The following ARHGEF38 variants were observed in gnomAD, a reference collection of about 807,000 sequenced individuals.
The protein encoded by ARHGEF38 is Rho guanine nucleotide exchange factor 38, also known as Rho guanine nucleotide exchange factor (GEF) 38.
Under a neutral mutation model 79.9 loss-of-function variants are expected in ARHGEF38, and 79 were observed. The ratio of observed to expected loss-of-function variants is 0.99; its 90% confidence interval spans 0.82 to 1.19. The LOEUF is 1.19. Ranked by LOEUF, ARHGEF38 falls within the 50% of genes most tolerant of loss-of-function variation. ARHGEF38 has a pLI of 0.00. For missense variants in ARHGEF38, 962 were observed against 907.2 expected (o/e 1.06, Z -0.78); for synonymous variants, 366 against 328.3 (o/e 1.11, Z -1.24).
At chr4:105,641,869 G>A (rs1729631986) in intron 5 of ARHGEF38, among the ~76,000 whole-genome samples, 1 of 152,030 alleles carries the variant, frequency 6.6e-6, no homozygotes, top group Admixed American at 6.6e-5. Context: ...ACTTGACTTT[G>A]TAAAGACCCA....
At chr4:105,601,563 T>C (rs1050277539) in intron 2 of ARHGEF38, among the ~76,000 whole-genome samples, 1 of 152,054 alleles carries the variant, frequency 6.6e-6, no homozygotes, top group Non-Finnish European at 1.5e-5. Context: ...CACTGGGAGC[T>C]TGGGGAGGCT....
intron 13 of ARHGEF38, among the ~76,000 whole-genome samples, chr4:105,668,345 C>T (rs1184423711): frequency 3.9e-5 from 6 of 152,002 alleles, no homozygotes; most frequent in Non-Finnish European, 8.8e-5. Context: ...CCACGCCTGG[C>T]TAATTTTTGT....
chr4:105,595,867 T>C (rs1727556171), intron 2 of ARHGEF38, among the ~76,000 whole-genome samples: 1 of 152,180 alleles, frequency 6.6e-6, no homozygotes, highest in African/African-American at 2.4e-5. Context: ...AAAAATATTC[T>C]TGATCCACAG....
At chr4:105,676,854 AC>A (rs1268906119) in intron 13 of ARHGEF38, among the ~76,000 whole-genome samples, 1 of 152,134 alleles carries the variant, frequency 6.6e-6, no homozygotes, top group Non-Finnish European at 1.5e-5. Flanking sequence ...ATAATATTAG[AC>A]TTATATCGTA....
rs538420884 is a variant in ARHGEF38, at chr4:105,557,168, T to C, written c.196+4207T>C. Among the ~76,000 whole-genome samples the C allele has an allele frequency of 1.4e-4, 21 of 152,254 alleles. No homozygotes were observed. In the South Asian group the frequency reaches 1.7e-3, roughly 12 times the overall value. ...ATCTCTACATTTGAAATATGCCTAA[T>C]TTAAATAGTTATACAGAACTGTGTC... On this transcript the variant is annotated intron_variant, in intron 1 of 13. Coordinates refer to ENST00000420470, the MANE Select transcript of ARHGEF38 (RefSeq NM_001242729.2).
At chr4:105,592,538 C>T (rs1419047256) in intron 2 of ARHGEF38, among the ~76,000 whole-genome samples, 2 of 152,024 alleles carry the variant, frequency 1.3e-5, no homozygotes, top group South Asian at 4.2e-4. Flanking sequence ...ACCTCAATTC[C>T]TTTTTCTCTC....
intron 3 of ARHGEF38, 110 bp downstream of exon 3, chr4:105,613,617 T>A: frequency 8.1e-7 from 1 of 1,230,774 alleles, no homozygotes; most frequent in Non-Finnish European, 1.1e-6. Context: ...CCAGGAGATA[T>A]ATAAATGCTA....
At position 105,552,851 on chromosome 4, in the gene ARHGEF38, T is replaced by C. The variant is rs948661192; in HGVS notation, c.86T>C (p.Leu29Pro). ...TTCTTGAGGTCTAGACTCTATATGC[T>C]GGAGAGAAGGAAGACTGACACTGTG... ...LAFLRSRLYM[L>P]ERRKTDTVVE... Residue 29 changes from leucine (L) to proline (P), a missense_variant, in exon 1 of 14, where the codon CTG becomes CCG. Leu to Pro is a moderately conservative substitution (Grantham distance 98). Coordinates refer to ENST00000420470, the MANE Select transcript of ARHGEF38 (RefSeq NM_001242729.2). The C allele has an allele frequency of 6.2e-7, 1 of 1,613,720 alleles. No homozygotes were observed. The highest frequency in any genetic ancestry group is 1.3e-5 in the African/African-American group (1 of 74,860).
At chr4:105,635,033 G>C (rs1294941472) in intron 4 of ARHGEF38, among the ~76,000 whole-genome samples, 1 of 152,238 alleles carries the variant, frequency 6.6e-6, no homozygotes, top group African/African-American at 2.4e-5. Context: ...TCAGTTCCTT[G>C]TTATATGGCA....
rs147241812 is a variant in ARHGEF38 at position 105,627,431 on chromosome 4, T to C, written c.509-3467T>C. On this transcript the variant is annotated intron_variant, in intron 3 of 13. Coordinates refer to ENST00000420470, the MANE Select transcript of ARHGEF38 (RefSeq NM_001242729.2). ...AAAGAGTAGCATATGTTTATTCACA[T>C]CAGTAAAGGGAACAAATTGAAACAT... Among the ~76,000 whole-genome samples, 58 of 152,208 alleles carry C rather than the reference T, an allele frequency of 3.8e-4. 1 individual carries two copies. In the East Asian group the frequency reaches 0.011, roughly 29 times the overall value.
intron 1 of ARHGEF38, among the ~76,000 whole-genome samples, chr4:105,570,608 A>G (rs1726171222): frequency 6.6e-6 from 1 of 152,114 alleles, no homozygotes; most frequent in South Asian, 2.1e-4. Flanking sequence ...AAAACTGTCA[A>G]ATCTTGTGAG....
intron 3 of ARHGEF38, 21 bp from the exon 4 acceptor site, chr4:105,630,877 C>G (rs1210376712): frequency 9.5e-6 from 15 of 1,582,428 alleles, no homozygotes; most frequent in Non-Finnish European, 1.3e-5. Context: ...TGTCATTTTG[C>G]CTTTGTTTTG....
chr4:105,604,989 T>C (rs1337937987), intron 2 of ARHGEF38, among the ~76,000 whole-genome samples: 1 of 152,176 alleles, frequency 6.6e-6, no homozygotes, highest in African/African-American at 2.4e-5. Context: ...TTCTAAACAA[T>C]TTCTGAAAAG....
intron 10 of ARHGEF38, among the ~76,000 whole-genome samples, chr4:105,660,812 C>CT (rs1220273604): frequency 1.3e-5 from 2 of 152,154 alleles, no homozygotes; most frequent in African/African-American, 2.4e-5. Flanking sequence ...TAACCATTCC[C>CT]TTTTTTTAAA....
At chr4:105,569,100 A>G (rs1039781951) in intron 1 of ARHGEF38, among the ~76,000 whole-genome samples, 1 of 152,210 alleles carries the variant, frequency 6.6e-6, no homozygotes, top group African/African-American at 2.4e-5. Flanking sequence ...GAATTTTACA[A>G]GTAATAATAA....
intron 1 of ARHGEF38, among the ~76,000 whole-genome samples, chr4:105,573,823 G>A (rs936789940): frequency 1.5e-4 from 23 of 151,550 alleles, no homozygotes; most frequent in African/African-American, 4.6e-4. Context: ...TAGTATTGAC[G>A]GCTTAACAAT....
At chr4:105,645,461 G>A in intron 6 of ARHGEF38, 74 bp downstream of exon 6, 1 of 1,236,188 alleles carries the variant, frequency 8.1e-7, no homozygotes, top group Non-Finnish European at 1.1e-6. Flanking sequence ...GAATCAGAAT[G>A]TTTAAGTAGT....
intron 1 of ARHGEF38, among the ~76,000 whole-genome samples, chr4:105,585,726 C>CTTGTTTTT (rs1727003415): frequency 1.4e-5 from 1 of 71,504 alleles, no homozygotes; most frequent in African/African-American, 5.7e-5. Context: ...CCCTCCGTTG[C>CTTGTTTTT]TTTTTTTTTT....
chr4:105,560,332 A>G (rs1407175224), intron 1 of ARHGEF38, among the ~76,000 whole-genome samples: 1 of 152,178 alleles, frequency 6.6e-6, no homozygotes, highest in African/African-American at 2.4e-5. Context: ...TTCATTGCGT[A>G]TCTTGACACT....
Sources: gnomAD v4.1 joint callset for allele counts (sites outside exome capture counted in the v4.1 genomes callset) on GRCh38, gnomAD v4.1.1 for gene constraint, MANE v1.5 for transcripts, NCBI Gene and HGNC (gene_info 2026-07-23, HGNC 2026-07-21) for gene names.